WWC1: variants seen among roughly 807,000 people sequenced by gnomAD.
WWC1 encodes the protein protein KIBRA.
A neutral mutation model predicts 138.4 loss-of-function variants in WWC1; 55 were observed. That is an observed-to-expected ratio of 0.40 (90% confidence interval 0.32 to 0.50). The LOEUF (loss-of-function observed/expected upper bound fraction) is 0.50, where lower values mean the gene tolerates loss of function less well. Ranked by LOEUF, WWC1 falls within the 20% of genes least tolerant of loss-of-function variation. The probability of loss-of-function intolerance (pLI) is 0.72; values close to 1 mark genes in which losing one functional copy is unlikely to be tolerated. For missense variants in WWC1, 1,226 were observed against 1,420.4 expected (o/e 0.86, Z 2.20); for synonymous variants, 524 against 564.9 (o/e 0.93, Z 1.03).
rs575576403 is a variant in WWC1, at chr5:168,314,979, G to A, written c.119+22708G>A. On this transcript the variant is annotated intron_variant, in intron 1 of 22. Coordinates refer to ENST00000265293, the MANE Select transcript of WWC1 (RefSeq NM_015238.3). ...CACATTCCTGAGATAACACTCCCCC[G>A]CCCGTCTCAGAAGACACTCAGTCCG... Among the ~76,000 whole-genome samples the A allele has an allele frequency of 6.6e-5, 10 of 152,150 alleles. No individual in the cohort carries two copies. In the East Asian group the frequency reaches 7.7e-4, roughly 12 times the overall value.
Position 168,320,512 on chromosome 5 carries a change from C to T in WWC1, c.119+28241C>T, listed in dbSNP as rs1456415783. ...AAGACCTCTCTGTGCTTCAGTTTCC[C>T]GTCTGTGAAATGGGATAAGTGACCT... is the stretch of plus-strand genomic sequence containing the variant. On this transcript the variant is annotated intron_variant, in intron 1 of 22. Transcript: ENST00000265293. Among the ~76,000 whole-genome samples the T allele has an allele frequency of 3.3e-5, 5 of 152,112 alleles. No homozygotes were observed. In the South Asian group the frequency reaches 6.2e-4, roughly 19 times the overall value.
chr5:168,300,140 A>G (rs1291254709), intron 1 of WWC1, among the ~76,000 whole-genome samples: 1 of 93,006 alleles, frequency 1.1e-5, no homozygotes, highest in Non-Finnish European at 1.9e-5. Flanking sequence ...CTTTAGGTAG[A>G]ACAGCAAAGG....
chr5:168,323,371 C>A (rs1411597296), intron 1 of WWC1, among the ~76,000 whole-genome samples: 1 of 151,946 alleles, frequency 6.6e-6, no homozygotes, highest in Non-Finnish European at 1.5e-5. Context: ...CATGGTGAGA[C>A]CTCATCTCCA....
At chr5:168,343,744 C>T (rs1774239683) in intron 1 of WWC1, among the ~76,000 whole-genome samples, 1 of 151,328 alleles carries the variant, frequency 6.6e-6, no homozygotes, top group African/African-American at 2.4e-5. Flanking sequence ...ATCACTTCAA[C>T]CCAGGAGGCG....
chr5:168,312,589 C>G (rs927156706), intron 1 of WWC1, among the ~76,000 whole-genome samples: 1 of 152,356 alleles, frequency 6.6e-6, no homozygotes, highest in East Asian at 1.9e-4. Flanking sequence ...TACAGTATCA[C>G]AGCATTAGTT....
Position 168,428,079 on chromosome 5 carries a change from A to T in WWC1, c.1857A>T (p.Ser619=). 1 of 1,613,398 alleles carries T rather than the reference A, an allele frequency of 6.2e-7. No homozygotes were observed. The highest frequency in any genetic ancestry group is 1.1e-5 in the South Asian group (1 of 91,060). ...GTGGCCTGAAAGTGGCCTGTGTCTC[A>T]GCCGCCGTATCGGACGAGTCAGTGG... is the stretch of plus-strand genomic sequence containing the variant. ...QGCGLKVACV[S]AAVSDESVAG... The change falls in exon 12 of 23, where the codon TCA becomes TCT. Residue 619 remains serine, a synonymous_variant. Transcript: ENST00000265293.
chr5:168,385,113 G>A, intron 2 of WWC1, 98 bp from the exon 3 acceptor site: 2 of 1,159,284 alleles, frequency 1.7e-6, no homozygotes, highest in South Asian at 1.5e-5. Flanking sequence ...ATTTGTCTAT[G>A]CATTTTGCTT....
chr5:168,406,380 C>G, intron 6 of WWC1, 53 bp downstream of exon 6: 1 of 1,606,098 alleles, frequency 6.2e-7, no homozygotes, highest in Non-Finnish European at 8.5e-7. Context: ...CTGAGTATTC[C>G]TGTATGCCAG....
intron 9 of WWC1, among the ~76,000 whole-genome samples, chr5:168,421,532 A>G (rs1781089866): frequency 6.6e-6 from 1 of 152,232 alleles, no homozygotes; most frequent in African/African-American, 2.4e-5. Context: ...AACAAGTCCT[A>G]CTGTGCTCAC....
At chr5:168,420,395 A>G (rs546699672) in intron 9 of WWC1, among the ~76,000 whole-genome samples, 10 of 152,172 alleles carry the variant, frequency 6.6e-5, no homozygotes, top group African/African-American at 2.4e-4. Flanking sequence ...ACTGGATTAG[A>G]GTCTGCCCTA....
At chr5:168,375,286 G>C (rs373191461) in intron 2 of WWC1, among the ~76,000 whole-genome samples, 2 of 152,146 alleles carry the variant, frequency 1.3e-5, no homozygotes, top group Non-Finnish European at 2.9e-5. Flanking sequence ...ATGATTCTGA[G>C]AAAGAGTGAT....
chr5:168,334,954 A>G (rs1460309658), intron 1 of WWC1, among the ~76,000 whole-genome samples: 1 of 152,168 alleles, frequency 6.6e-6, no homozygotes, highest in Non-Finnish European at 1.5e-5. Context: ...CCAGAGGCTG[A>G]ATTCTTGAAA....
intron 1 of WWC1, among the ~76,000 whole-genome samples, chr5:168,358,554 G>A (rs1364252243): frequency 6.6e-6 from 1 of 152,174 alleles, no homozygotes; most frequent in Non-Finnish European, 1.5e-5. Context: ...ATACCAGTTG[G>A]ATTTGCCTCT....
At chr5:168,342,933 C>T (rs989390332) in intron 1 of WWC1, among the ~76,000 whole-genome samples, 2 of 152,158 alleles carry the variant, frequency 1.3e-5, no homozygotes, top group Non-Finnish European at 2.9e-5. Context: ...TATCTGGGCA[C>T]TAGGCAGGGA....
At chr5:168,460,074 C>T (rs1283455586) in intron 19 of WWC1, among the ~76,000 whole-genome samples, 1 of 152,172 alleles carries the variant, frequency 6.6e-6, no homozygotes, top group Non-Finnish European at 1.5e-5. Flanking sequence ...GAGTTACGAT[C>T]TGCCCCATCA....
intron 8 of WWC1, chr5:168,412,264 G>A (rs1300610389): frequency 1.1e-6 from 1 of 911,754 alleles, no homozygotes; most frequent in Non-Finnish European, 1.3e-6. Flanking sequence ...GCTCATTTTA[G>A]TGTAAAGGAC....
chr5:168,410,066 T>C (rs534065211), intron 8 of WWC1, 71 bp downstream of exon 8: 1 of 1,443,770 alleles, frequency 6.9e-7, no homozygotes, highest in African/African-American at 1.4e-5. Flanking sequence ...GCCTGCTCTG[T>C]GCTTAGCTTT....
chr5:168,422,490 G>T (rs1392791460), intron 10 of WWC1, among the ~76,000 whole-genome samples: 1 of 152,208 alleles, frequency 6.6e-6, no homozygotes, highest in Non-Finnish European at 1.5e-5. Flanking sequence ...GGTGGTGCAT[G>T]CCTGTGGTCC....
chr5:168,441,766 T>C lies in WWC1; in HGVS notation c.2365T>C (p.Leu789=), dbSNP rs1754791836. 6 of 1,614,058 alleles carry C rather than the reference T, an allele frequency of 3.7e-6. No individual in the cohort carries two copies. Among genetic ancestry groups the C allele is most frequent in the South Asian group, 3.3e-5 (3 of 91,082 alleles). Reference sequence around the variant, plus strand: ...GTACAACCTTCTCAGCTACAAATACTTGAAGAAACAGAGCAGGGAGCTCAA... The same window carrying C: ...GTACAACCTTCTCAGCTACAAATACCTGAAGAAACAGAGCAGGGAGCTCAA... ...RWYNLLSYKY[L]KKQSRELKPV... is the part of the protein sequence containing the mutation. The change falls in exon 16 of 23, where the codon TTG becomes CTG. Residue 789 remains leucine, a synonymous_variant. Transcript: ENST00000265293.
Sources: gnomAD v4.1 joint callset for allele counts (sites outside exome capture counted in the v4.1 genomes callset) on GRCh38, gnomAD v4.1.1 for gene constraint, MANE v1.5 for transcripts, NCBI Gene and HGNC (gene_info 2026-07-23, HGNC 2026-07-21) for gene names.